Variants in COL25A1 observed in about 807,000 individuals in gnomAD.
COL25A1 encodes the protein collagen type XXV alpha 1 chain.
In COL25A1, 103 loss-of-function variants were observed where a neutral mutation model predicts 128.4. That is an observed-to-expected ratio of 0.80 (90% CI 0.68 to 0.94). The LOEUF is 0.94. Ranked by LOEUF, COL25A1 falls within the 40% of genes least tolerant of loss-of-function variation. The probability of loss-of-function intolerance (pLI) is 0.00; values close to 1 mark genes in which losing one functional copy is unlikely to be tolerated. For synonymous variants in COL25A1, 279 were observed against 277.2 expected (o/e 1.01, Z -0.06); for missense variants, 745 against 840.0 (o/e 0.89, Z 1.40).
intron 3 of COL25A1, among the ~76,000 whole-genome samples, chr4:109,130,833 G>A (rs1215958195): frequency 2.0e-5 from 3 of 152,004 alleles, no homozygotes; most frequent in Non-Finnish European, 4.4e-5. Flanking sequence ...TTTCATTTTC[G>A]AACCTGCATT....
intron 3 of COL25A1, among the ~76,000 whole-genome samples, chr4:109,206,609 G>A (rs1259478958): frequency 1.3e-5 from 2 of 152,140 alleles, no homozygotes; most frequent in African/African-American, 4.8e-5. Context: ...TTAATTAGGG[G>A]TAGGTCCAGA....
At chr4:109,147,138 T>A (rs1421951961) in intron 3 of COL25A1, among the ~76,000 whole-genome samples, 1 of 152,264 alleles carries the variant, frequency 6.6e-6, no homozygotes, top group Non-Finnish European at 1.5e-5. Context: ...TTTCCCTAAT[T>A]GTAACCTGAG....
chr4:109,287,955 A>C (rs1242687913), intron 3 of COL25A1, among the ~76,000 whole-genome samples: 1 of 152,210 alleles, frequency 6.6e-6, no homozygotes, highest in East Asian at 1.9e-4. Context: ...GATTAAAAAC[A>C]ATGTTGTCTG....
chr4:109,001,424 G>GC (rs1561003582), intron 6 of COL25A1, among the ~76,000 whole-genome samples: 19 of 18,386 alleles, frequency 1.0e-3, no homozygotes, highest in East Asian at 2.9e-3. Flanking sequence ...CAGGTAGGCA[G>GC]TGAGCTAGAG....
intron 3 of COL25A1, among the ~76,000 whole-genome samples, chr4:109,077,025 G>C (rs531433714): frequency 5.3e-5 from 8 of 152,068 alleles, no homozygotes; most frequent in Non-Finnish European, 1.0e-4. Flanking sequence ...ACCGATACCC[G>C]AACTTTGAAG....
intron 8 of COL25A1, among the ~76,000 whole-genome samples, chr4:108,973,178 T>A (rs1752091817): frequency 6.6e-6 from 1 of 152,220 alleles, no homozygotes; most frequent in African/African-American, 2.4e-5. Context: ...CAAATGGCTG[T>A]ATTCTAATCA....
chr4:108,974,660 G>T, intron 6 of COL25A1, 101 bp from the exon 7 acceptor site: 1 of 956,992 alleles, frequency 1.0e-6, no homozygotes, highest in Non-Finnish European at 1.5e-6. Context: ...AGAATACAGA[G>T]ATAGCTGTCA....
At chr4:109,215,763 C>T (rs943532239) in intron 3 of COL25A1, among the ~76,000 whole-genome samples, 4 of 152,066 alleles carry the variant, frequency 2.6e-5, no homozygotes, top group Non-Finnish European at 4.4e-5. Flanking sequence ...ATCCTCTGAC[C>T]TAACACAGCT....
intron 8 of COL25A1, among the ~76,000 whole-genome samples, chr4:108,966,763 A>AT (rs1491342321): frequency 6.6e-6 from 1 of 151,966 alleles, no homozygotes; most frequent in Non-Finnish European, 1.5e-5. Context: ...AGGCAGGAGG[A>AT]TCACCTGAGC....
chr4:109,120,811 A>C (rs1258731088), intron 3 of COL25A1, among the ~76,000 whole-genome samples: 1 of 111,014 alleles, frequency 9.0e-6, no homozygotes, highest in Non-Finnish European at 1.6e-5. Context: ...CTGTCTCAAC[A>C]AAAGAAAAAA....
At chr4:108,910,021 G>C (rs1260343811) in intron 13 of COL25A1, among the ~76,000 whole-genome samples, 1 of 152,180 alleles carries the variant, frequency 6.6e-6, no homozygotes, top group Non-Finnish European at 1.5e-5. Flanking sequence ...CATATCTGGG[G>C]AGGGCCCATT....
rs1219110897 is a variant in COL25A1 at position 109,302,256 on chromosome 4, G to A, written c.-144C>T. 1.9e-6 allele frequency: 1 copy of A among 521,360 alleles called. No individual in the cohort carries two copies. The highest frequency in any genetic ancestry group is 3.1e-5 in the East Asian group (1 of 31,758). The allele number at this position is 521,360 out of a possible 1,614,324, so 32.3% of individuals were successfully genotyped here. On this transcript the variant is annotated 5_prime_UTR_variant, in exon 1 of 38. It adds an upstream start codon to the 5' untranslated region. Coordinates refer to ENST00000399132, the MANE Select transcript of COL25A1 (RefSeq NM_198721.4). ...CAGCTGGAAGTGAAAAGCACCCTCCGTCCGGGGACTGGGTGGCGGTGGGGT... is the reference window on the plus strand; with the variant it reads ...CAGCTGGAAGTGAAAAGCACCCTCCATCCGGGGACTGGGTGGCGGTGGGGT...
At chr4:109,042,550 A>G (rs1411894479) in intron 5 of COL25A1, among the ~76,000 whole-genome samples, 1 of 151,968 alleles carries the variant, frequency 6.6e-6, no homozygotes, top group Admixed American at 6.6e-5. Context: ...GGTATTTTAC[A>G]CTCATACTGC....
At chr4:108,953,058 A>C (rs1578874589) in intron 8 of COL25A1, among the ~76,000 whole-genome samples, 2 of 152,096 alleles carry the variant, frequency 1.3e-5, no homozygotes, top group South Asian at 4.1e-4. Flanking sequence ...TAATGGATGG[A>C]AAATCATCCT....
chr4:109,163,530 T>C (rs1049446070), intron 3 of COL25A1, among the ~76,000 whole-genome samples: 1 of 152,206 alleles, frequency 6.6e-6, no homozygotes, highest in Non-Finnish European at 1.5e-5. Flanking sequence ...AGCAGACTAA[T>C]TGCAGAAGAT....
intron 3 of COL25A1, among the ~76,000 whole-genome samples, chr4:109,191,484 A>G (rs1775617813): frequency 6.6e-6 from 1 of 152,148 alleles, no homozygotes; most frequent in Non-Finnish European, 1.5e-5. Context: ...TTAGCAGCCC[A>G]CTGTTTCCAG....
Position 108,819,248 on chromosome 4 carries a change from G to C in COL25A1, c.1923+4C>G, listed in dbSNP as rs1731537429. The C allele has an allele frequency of 6.2e-7, 1 of 1,604,028 alleles. No homozygotes were observed. The highest frequency in any genetic ancestry group is 8.5e-7 in the Non-Finnish European group (1 of 1,175,514). ...CAGGGTGGTAGGAAAGAGAAATACT[G>C]TACCAATTGGCAAGGGGCATCCAGC... On this transcript the variant is annotated splice_donor_region_variant and intron_variant, in intron 36 of 37. Coordinates refer to ENST00000399132, the MANE Select transcript of COL25A1 (RefSeq NM_198721.4).
intron 3 of COL25A1, among the ~76,000 whole-genome samples, chr4:109,300,255 C>G (rs1725384304): frequency 6.6e-6 from 1 of 151,730 alleles, no homozygotes; most frequent in South Asian, 2.1e-4. Context: ...TTCTACAGTC[C>G]TTTTCACTGT....
rs201435124 is a variant in COL25A1 at position 109,190,386 on chromosome 4, AT to A, written c.367+110196del. Among the ~76,000 whole-genome samples the A allele has an allele frequency of 7.1e-3, 1,077 of 152,238 alleles. 16 individuals are homozygous for A. The highest frequency in any genetic ancestry group is 0.024 in the African/African-American group (990 of 41,558). ...AGAATAAGGAAAATATTTACAAAAC[AT>A]TCAGATTGAGGAAGGAAGGAGGGAA... is the stretch of plus-strand genomic sequence containing the variant. On this transcript the variant is annotated intron_variant, in intron 3 of 37. Transcript: ENST00000399132.
Sources: allele counts gnomAD v4.1 joint callset (sites outside exome capture counted in the v4.1 genomes callset), GRCh38; gene constraint gnomAD v4.1.1; transcripts MANE v1.5; gene names NCBI Gene and HGNC (gene_info 2026-07-23, HGNC 2026-07-21).